Variants in SLC9A4 observed in about 807,000 individuals in gnomAD.
The protein encoded by SLC9A4 is sodium/hydrogen exchanger 4.
In SLC9A4, 63 loss-of-function variants were observed where a neutral mutation model predicts 67.4. The ratio of observed to expected loss-of-function variants is 0.93; its 90% CI spans 0.76 to 1.15. The LOEUF is 1.15. Among genes scored for constraint, SLC9A4 ranks in the 50% most tolerant of loss-of-function variants. SLC9A4 has a pLI of 0.00. For missense variants in SLC9A4, 1,089 were observed against 987.7 expected (o/e 1.10, Z -1.38); for synonymous variants, 393 against 367.2 (o/e 1.07, Z -0.80).
At chr2:102,511,119 T>C (rs1412129835) in intron 6 of SLC9A4, among the ~76,000 whole-genome samples, 1 of 152,190 alleles carries the variant, frequency 6.6e-6, no homozygotes, top group East Asian at 1.9e-4. Flanking sequence ...TTAGGTTTCC[T>C]CTATCCCTGA....
chr2:102,486,487 T>C (rs148692893), intron 2 of SLC9A4, among the ~76,000 whole-genome samples: 53 of 152,354 alleles, frequency 3.5e-4, no homozygotes, highest in Middle Eastern at 3.4e-3. Flanking sequence ...TATGTGCACT[T>C]GAACAGCATC....
rs1352403877 is a variant in SLC9A4, at chr2:102,479,249, C to A, written c.667C>A (p.Gln223Lys). Reference sequence around the variant, plus strand: ...GTTTGAGGAAGCGCGCGTGAACGAGCAGCTCTACATGATGATCTTTGGGGA... The same window carrying A: ...GTTTGAGGAAGCGCGCGTGAACGAGAAGCTCTACATGATGATCTTTGGGGA... ...AVFEEARVNEQLYMMIFGEAL... is the reference protein window; with the variant it reads ...AVFEEARVNEKLYMMIFGEAL... The change falls in exon 2 of 12, where the codon CAG (glutamine) becomes AAG (lysine). Residue 223 changes from glutamine to lysine, a missense_variant. By Grantham distance (53) the Gln-to-Lys change is moderately conservative (BLOSUM62 1). Transcript: ENST00000295269. The A allele has an allele frequency of 6.2e-7, 1 of 1,613,930 alleles. No homozygotes were observed. The highest frequency in any genetic ancestry group is 8.5e-7 in the Non-Finnish European group (1 of 1,180,036).
chr2:102,503,702 C>T lies in SLC9A4; in HGVS notation c.975C>T (p.Ile325=). The change falls in exon 3 of 12, where the codon ATC becomes ATT. Residue 325 remains isoleucine (I), a synonymous_variant. Transcript: ENST00000295269. ...LAAETLYLSG[I]LAITACAVTM... is the part of the protein sequence containing the mutation. ...CTGAAACCCTCTATCTCTCCGGCATCCTGGCGTGAGTACAAACCAAGGATC... is the reference window on the plus strand; with the variant it reads ...CTGAAACCCTCTATCTCTCCGGCATTCTGGCGTGAGTACAAACCAAGGATC... The T allele has an allele frequency of 6.2e-7, 1 of 1,614,034 alleles. No homozygotes were observed. Among genetic ancestry groups the T allele is most frequent in the Non-Finnish European group, 8.5e-7 (1 of 1,179,924 alleles).
At chr2:102,497,837 A>T (rs954522901) in intron 2 of SLC9A4, among the ~76,000 whole-genome samples, 3 of 152,190 alleles carry the variant, frequency 2.0e-5, no homozygotes, top group African/African-American at 7.2e-5. Context: ...AAAGTTAACA[A>T]GAAAAAAAAT....
At chr2:102,491,697 T>C (rs1181788854) in intron 2 of SLC9A4, among the ~76,000 whole-genome samples, 1 of 152,102 alleles carries the variant, frequency 6.6e-6, no homozygotes, top group Non-Finnish European at 1.5e-5. Context: ...AATCATATTG[T>C]TTTACCGCTG....
At chr2:102,474,150 T>C (rs1684279997) in intron 1 of SLC9A4, 135 bp downstream of exon 1, 1 of 1,092,282 alleles carries the variant, frequency 9.2e-7, no homozygotes, top group African/African-American at 1.6e-5. Flanking sequence ...TTCCCTTCAG[T>C]CAAGGGAAAG....
intron 3 of SLC9A4, 96 bp from the exon 4 acceptor site, chr2:102,505,158 C>T (rs115478573): frequency 8.2e-6 from 9 of 1,096,854 alleles, no homozygotes; most frequent in African/African-American, 1.6e-5. Context: ...TGCATCAACA[C>T]GGGCTTCATG....
chr2:102,503,845 CTT>C, intron 3 of SLC9A4, 138 bp downstream of exon 3: 1 of 1,244,726 alleles, frequency 8.0e-7, no homozygotes, highest in South Asian at 1.6e-5. Flanking sequence ...ATCTTCTAAA[CTT>C]TTATGAAACC....
chr2:102,501,286 T>C (rs1684934565), intron 2 of SLC9A4, among the ~76,000 whole-genome samples: 1 of 70,422 alleles, frequency 1.4e-5, no homozygotes, highest in South Asian at 3.8e-4. Flanking sequence ...CATGGCTGGC[T>C]AAATTTTGTA....
At chr2:102,521,393 T>C (rs1465448660) in intron 9 of SLC9A4, among the ~76,000 whole-genome samples, 3 of 152,344 alleles carry the variant, frequency 2.0e-5, no homozygotes, top group African/African-American at 7.2e-5. Flanking sequence ...CCCTTCCTCA[T>C]TGCCCTCGAA....
chr2:102,527,892 GC>G (rs1674698668), intron 11 of SLC9A4, among the ~76,000 whole-genome samples: 1 of 151,976 alleles, frequency 6.6e-6, no homozygotes, highest in Non-Finnish European at 1.5e-5. Context: ...TTCTGTTCCT[GC>G]CTTTGCTCGT....
At chr2:102,517,807 T>C (rs1269093791) in intron 8 of SLC9A4, among the ~76,000 whole-genome samples, 1 of 152,148 alleles carries the variant, frequency 6.6e-6, no homozygotes, top group African/African-American at 2.4e-5. Flanking sequence ...ATTTTTCCAG[T>C]TTGATTGAAA....
At chr2:102,484,291 C>T (rs1449480597) in intron 2 of SLC9A4, among the ~76,000 whole-genome samples, 1 of 152,088 alleles carries the variant, frequency 6.6e-6, no homozygotes, top group Non-Finnish European at 1.5e-5. Flanking sequence ...TTGAATTTTC[C>T]ACTCATGCAA....
intron 7 of SLC9A4, among the ~76,000 whole-genome samples, chr2:102,513,748 C>T (rs1685215736): frequency 6.6e-6 from 1 of 152,190 alleles, no homozygotes; most frequent in Non-Finnish European, 1.5e-5. Context: ...GCTTCAGCCC[C>T]CTCATTTCTT....
chr2:102,488,749 G>A (rs58856568), intron 2 of SLC9A4, among the ~76,000 whole-genome samples: 229 of 152,046 alleles, frequency 1.5e-3, no homozygotes, highest in African/African-American at 4.9e-3. Context: ...GGGTTTCACC[G>A]TGCTAGCCAG....
chr2:102,480,967 C>T (rs1407495481), intron 2 of SLC9A4, among the ~76,000 whole-genome samples: 1 of 152,074 alleles, frequency 6.6e-6, no homozygotes, highest in Non-Finnish European at 1.5e-5. Context: ...TGAGGTGCTC[C>T]CTGGTTCTCA....
Position 102,526,258 on chromosome 2 carries a change from G to A in SLC9A4, c.1951-1G>A, listed in dbSNP as rs1363306002. 1.9e-6 allele frequency: 3 copies of A among 1,613,226 alleles called. No individual in the cohort carries two copies. On this transcript the variant is annotated splice_acceptor_variant, in intron 10 of 11. Coordinates refer to ENST00000295269, the MANE Select transcript of SLC9A4 (RefSeq NM_001011552.4). LOFTEE classifies it high-confidence loss of function. ...TTTTTCTTTCTACTTGCTACCCACAGGCTGGCACCAAGAATATCCGCTACC... is the reference window on the plus strand; with the variant it reads ...TTTTTCTTTCTACTTGCTACCCACAAGCTGGCACCAAGAATATCCGCTACC...
intron 2 of SLC9A4, among the ~76,000 whole-genome samples, chr2:102,488,772 C>G (rs923840815): frequency 6.6e-6 from 1 of 152,146 alleles, no homozygotes; most frequent in Admixed American, 6.5e-5. Context: ...TGGTCTCGAT[C>G]TCCTGACCTT....
chr2:102,475,126 C>A (rs13030642), intron 1 of SLC9A4, among the ~76,000 whole-genome samples: 32,404 of 152,160 alleles, frequency 0.21, 3,882 homozygotes, highest in African/African-American at 0.32. Flanking sequence ...AAGTCTTGTG[C>A]AATTTGCTTA....
Sources: gnomAD v4.1 joint callset for allele counts (sites outside exome capture counted in the v4.1 genomes callset) on GRCh38, gnomAD v4.1.1 for gene constraint, MANE v1.5 for transcripts, NCBI Gene and HGNC (gene_info 2026-07-23, HGNC 2026-07-21) for gene names.